SLAIN1: variants seen among roughly 807,000 people sequenced by gnomAD.
SLAIN1 encodes the protein SLAIN motif-containing protein 1.
SLAIN1 carries 17 observed loss-of-function variants against 55.4 expected under a neutral mutation model. The observed-to-expected ratio is 0.31, with a 90% CI of 0.21 to 0.46. The LOEUF (loss-of-function observed/expected upper bound fraction) is 0.46. Among genes scored for constraint, SLAIN1 ranks in the 20% least tolerant of loss-of-function variants. SLAIN1 has a pLI of 1.00. For missense variants in SLAIN1, 682 were observed against 785.1 expected, an observed-to-expected ratio of 0.87 and a Z score of 1.57; for synonymous variants, 348 against 337.4, an observed-to-expected ratio of 1.03 and a Z score of -0.35.
At chr13:77,728,892 G>A (rs144547070) in intron 2 of SLAIN1, among the ~76,000 whole-genome samples, 6 of 152,278 alleles carry the variant, frequency 3.9e-5, no homozygotes, top group Non-Finnish European at 5.9e-5. Context: ...TTAAAACTTA[G>A]TCTGTGAGGT....
At chr13:77,738,156 C>T (rs1314703640) in intron 2 of SLAIN1, among the ~76,000 whole-genome samples, 1 of 151,684 alleles carries the variant, frequency 6.6e-6, no homozygotes, top group African/African-American at 2.4e-5. Flanking sequence ...ATGTTGTAAA[C>T]GTTGGGCATC....
intron 2 of SLAIN1, among the ~76,000 whole-genome samples, chr13:77,733,206 T>C (rs1212920582): frequency 6.6e-6 from 1 of 152,156 alleles, no homozygotes; most frequent in Non-Finnish European, 1.5e-5. Flanking sequence ...ATGAAACATT[T>C]ACCTGCCAAT....
chr13:77,722,287 T>C (rs2091269484), intron 2 of SLAIN1, among the ~76,000 whole-genome samples: 1 of 152,088 alleles, frequency 6.6e-6, no homozygotes, highest in Non-Finnish European at 1.5e-5. Flanking sequence ...ATTCCAGAGA[T>C]CCATAATCCA....
chr13:77,704,011 A>C (rs1188048480), intron 1 of SLAIN1, among the ~76,000 whole-genome samples: 1 of 71,346 alleles, frequency 1.4e-5, no homozygotes, highest in Non-Finnish European at 2.4e-5. Flanking sequence ...TACATGTTTT[A>C]TATGTATATA....
intron 1 of SLAIN1, among the ~76,000 whole-genome samples, chr13:77,701,432 T>A (rs962837925): frequency 2.6e-5 from 4 of 152,170 alleles, no homozygotes; most frequent in Admixed American, 2.0e-4. Flanking sequence ...GAACCAATAT[T>A]TTCTTTATGA....
chr13:77,732,681 T>C (rs541860166), intron 2 of SLAIN1, among the ~76,000 whole-genome samples: 46 of 152,264 alleles, frequency 3.0e-4, no homozygotes, highest in African/African-American at 1.0e-3. Flanking sequence ...ATTTTTTTTT[T>C]TTAAATCTCC....
At position 77,698,910 on chromosome 13, in the gene SLAIN1, A is replaced by T. The variant is rs145249587; in HGVS notation, c.626+371A>T. 8.6e-4 allele frequency: 1,311 copies of T among 1,532,964 alleles called. 18 individuals are homozygous for T. The East Asian group carries it at 0.022, about 26-fold the overall frequency. 95.0% of individuals were successfully genotyped at this position (1,532,964 alleles called of 1,614,324 possible). A position where few individuals can be genotyped will look rare whatever the true frequency, so the allele number is the denominator to read the frequency against. ...CTGCTCTTTTCCCCAGTGTTTTCGG[A>T]GGGATGACGGGGGATGGTAGGGGTT... On this transcript the variant is annotated intron_variant, in intron 1 of 6. Transcript: ENST00000418532. This position sits in a 1 kb window ranked among gnomAD's most constrained non-coding sequence, Gnocchi z 4.1.
chr13:77,713,872 G>A (rs1420217118), intron 1 of SLAIN1, among the ~76,000 whole-genome samples: 1 of 152,152 alleles, frequency 6.6e-6, no homozygotes, highest in Non-Finnish European at 1.5e-5. Flanking sequence ...GTCCTTTGCA[G>A]GGACATGGAT....
chr13:77,718,489 T>G lies in SLAIN1; in HGVS notation c.627-1043T>G, dbSNP rs2091229795. 2.0e-5 allele frequency among the ~76,000 whole-genome samples: 3 copies of G among 152,298 alleles called. No individual in the cohort carries two copies. In the South Asian group the frequency reaches 6.2e-4, roughly 32 times the overall value. ...TTTGGCAATCCCTGATCTGTAAGAA[T>G]AATTTACTGAAGAATAGTACATTCC... On this transcript the variant is annotated intron_variant, in intron 1 of 6. Coordinates refer to ENST00000418532, the MANE Select transcript of SLAIN1 (RefSeq NM_001242868.2).
At chr13:77,751,277 T>A (rs1874191513) in intron 4 of SLAIN1, among the ~76,000 whole-genome samples, 1 of 152,166 alleles carries the variant, frequency 6.6e-6, no homozygotes, top group Non-Finnish European at 1.5e-5. Context: ...TCTTCCATGG[T>A]TTACCCCTAT....
chr13:77,726,487 C>T (rs570537148), intron 2 of SLAIN1, among the ~76,000 whole-genome samples: 10 of 151,872 alleles, frequency 6.6e-5, no homozygotes, highest in Middle Eastern at 3.4e-3. Flanking sequence ...AGTGCAGTGA[C>T]GCAACCACGG....
chr13:77,760,695 A>G, intron 5 of SLAIN1, 133 bp from the exon 6 acceptor site: 1 of 899,820 alleles, frequency 1.1e-6, no homozygotes, highest in South Asian at 1.7e-5. Flanking sequence ...GCTGTCTGGA[A>G]CCTATATTCT....
intron 2 of SLAIN1, among the ~76,000 whole-genome samples, chr13:77,728,484 G>A (rs1036654664): frequency 1.3e-5 from 2 of 152,162 alleles, no homozygotes; most frequent in African/African-American, 4.8e-5. Context: ...ACAAATAGTG[G>A]AGGCCTACAC....
intron 1 of SLAIN1, among the ~76,000 whole-genome samples, chr13:77,701,193 GT>G (rs2091027323): frequency 6.6e-6 from 1 of 152,024 alleles, no homozygotes; most frequent in South Asian, 2.1e-4. Context: ...ATCCTAATGG[GT>G]TGAACAAAAT....
At chr13:77,735,443 A>G (rs546076955) in intron 2 of SLAIN1, among the ~76,000 whole-genome samples, 3 of 152,254 alleles carry the variant, frequency 2.0e-5, no homozygotes, top group South Asian at 2.1e-4. Flanking sequence ...CTGAGTGACT[A>G]TTATAAAACT....
chr13:77,723,417 C>A (rs1446724515), intron 2 of SLAIN1, among the ~76,000 whole-genome samples: 1 of 152,048 alleles, frequency 6.6e-6, no homozygotes, highest in East Asian at 1.9e-4. Context: ...TCTGCATTTG[C>A]TTTTTTGGGA....
Position 77,697,950 on chromosome 13 carries a change from G to T in SLAIN1, c.37G>T (p.Val13Phe), listed in dbSNP as rs761883970. 2.1e-6 allele frequency: 3 copies of T among 1,438,222 alleles called. No homozygotes were observed. The highest frequency in any genetic ancestry group is 2.6e-5 in the South Asian group (2 of 77,150). 89.1% of individuals were successfully genotyped at this position (1,438,222 alleles called of 1,614,324 possible). A position where few individuals can be genotyped will look rare whatever the true frequency, so the allele number is the denominator to read the frequency against. ...AEQVKCASAG[V>F]SSGAGSGPVV... ...GCAGGTGAAATGCGCCTCGGCAGGGGTCAGCTCTGGAGCGGGCTCCGGGCC... is the reference window on the plus strand; with the variant it reads ...GCAGGTGAAATGCGCCTCGGCAGGGTTCAGCTCTGGAGCGGGCTCCGGGCC... The change falls in exon 1 of 7, where the codon GTC becomes TTC. Residue 13 changes from valine (V) to phenylalanine (F), a missense_variant. By Grantham distance (50) the Val-to-Phe change is conservative. This residue lies in a region of SLAIN1 where 401 missense variants were observed against 417.3 expected (regional missense o/e 0.96). Transcript: ENST00000418532.
rs761544330 is a variant in SLAIN1, at chr13:77,746,734, C to T, written c.1137C>T (p.Ser379=). 3.1e-6 allele frequency: 5 copies of T among 1,613,898 alleles called. No homozygotes were observed. Among genetic ancestry groups the T allele is most frequent in the Non-Finnish European group, 4.2e-6 (5 of 1,179,858 alleles). The change falls in exon 4 of 7, where the codon AGC becomes AGT. Residue 379 remains serine, a synonymous_variant. Coordinates refer to ENST00000418532, the MANE Select transcript of SLAIN1 (RefSeq NM_001242868.2). ...TTCCCCATTCACAGACTTTCTCCAG[C>T]ATTCGGGAGTGTAGGAGGAGCCCCA... ...RGIPHSQTFS[S]IRECRRSPSS...
chr13:77,744,641 G>A (rs927207895), intron 3 of SLAIN1: 6 of 678,070 alleles, frequency 8.8e-6, no homozygotes, highest in Non-Finnish European at 1.5e-5. Flanking sequence ...ATTGATACAT[G>A]GACATTGCTG....
Sources: gnomAD v4.1 joint callset for allele counts (sites outside exome capture counted in the v4.1 genomes callset) on GRCh38, gnomAD v4.1.1 for gene constraint, gnomAD v4.1.1 regional missense constraint, Gnocchi (gnomAD v3.1) non-coding constraint, MANE v1.5 for transcripts, NCBI Gene and HGNC (gene_info 2026-07-23, HGNC 2026-07-21) for gene names.